Variants in MON2 observed in about 807,000 individuals in gnomAD.
MON2 encodes the protein MON2 regulator of endosome-to-Golgi trafficking.
Under a neutral mutation model 208.6 loss-of-function variants are expected in MON2, and 84 were observed. The ratio of observed to expected loss-of-function variants is 0.40; its 90% CI spans 0.34 to 0.48. The LOEUF (loss-of-function observed/expected upper bound fraction) is 0.48, where lower values mean the gene tolerates loss of function less well. Among genes scored for constraint, MON2 ranks in the 20% least tolerant of loss-of-function variants. The pLI is 0.59. For synonymous variants in MON2, 660 were observed against 694.0 expected, an observed-to-expected ratio of 0.95 and a Z score of 0.77; for missense variants, 1,611 against 2,015.4, an observed-to-expected ratio of 0.80 and a Z score of 3.84.
chr12:62,531,513 A>T (rs2072641776), intron 11 of MON2, among the ~76,000 whole-genome samples: 1 of 152,168 alleles, frequency 6.6e-6, no homozygotes, highest in South Asian at 2.1e-4. Flanking sequence ...GCCAGATGTC[A>T]ATTTTAAGAG....
Position 62,552,806 on chromosome 12 carries a change from C to G in MON2, c.2917-75C>G, listed in dbSNP as rs1323428002. 38 of 1,114,532 alleles carry G rather than the reference C, an allele frequency of 3.4e-5. No individual in the cohort carries two copies. The Middle Eastern group carries it at 1.0e-3, about 31-fold the overall frequency. 69.0% of individuals were successfully genotyped at this position (1,114,532 alleles called of 1,614,324 possible). A position where few individuals can be genotyped will look rare whatever the true frequency, so the allele number is the denominator to read the frequency against. ...TAAAGTTTTACTCTGAAAGGTAAAA[C>G]AGCCACATGTTGCATATTTATGTGT... On this transcript the variant is annotated intron_variant, in intron 23 of 34. Coordinates refer to ENST00000393630, the MANE Select transcript of MON2 (RefSeq NM_015026.3).
chr12:62,487,163 A>G (rs2069848552), intron 2 of MON2, among the ~76,000 whole-genome samples: 1 of 152,134 alleles, frequency 6.6e-6, no homozygotes, highest in South Asian at 2.1e-4. Context: ...ATTATTTCAA[A>G]ATTTCCATTT....
intron 1 of MON2, among the ~76,000 whole-genome samples, chr12:62,470,276 A>C (rs1415505119): frequency 6.6e-6 from 1 of 152,168 alleles, no homozygotes; most frequent in Non-Finnish European, 1.5e-5. Context: ...CCAATAAAAG[A>C]GTATTGATAA....
chr12:62,533,719 C>G (rs893669552), intron 12 of MON2, among the ~76,000 whole-genome samples: 2 of 152,154 alleles, frequency 1.3e-5, no homozygotes, highest in Non-Finnish European at 2.9e-5. Context: ...GAAACGAACA[C>G]AGGTATACTA....
At chr12:62,530,623 C>G (rs767478582) in intron 11 of MON2, among the ~76,000 whole-genome samples, 3 of 152,110 alleles carry the variant, frequency 2.0e-5, no homozygotes, top group Non-Finnish European at 2.9e-5. Context: ...TATGGAATCA[C>G]TTTTTTTAAG....
intron 2 of MON2, 51 bp from the exon 3 acceptor site, chr12:62,493,864 T>C: frequency 7.6e-7 from 1 of 1,309,210 alleles, no homozygotes; most frequent in Non-Finnish European, 1.0e-6. Flanking sequence ...AAATGCATTC[T>C]TAATTATAGA....
chr12:62,535,482 TA>T, intron 13 of MON2, 42 bp from the exon 14 acceptor site: 1 of 1,400,066 alleles, frequency 7.1e-7, no homozygotes, highest in Non-Finnish European at 9.6e-7. Flanking sequence ...ACAATGTAAT[TA>T]AAAATAAGTT....
chr12:62,485,895 G>T (rs530798860), intron 2 of MON2, among the ~76,000 whole-genome samples: 1 of 152,000 alleles, frequency 6.6e-6, no homozygotes, highest in African/African-American at 2.4e-5. Context: ...GTAGAGACAG[G>T]GTTTCATCAT....
At chr12:62,510,141 G>A (rs1213363534) in intron 8 of MON2, among the ~76,000 whole-genome samples, 1 of 152,052 alleles carries the variant, frequency 6.6e-6, no homozygotes, top group African/African-American at 2.4e-5. Context: ...CCTATAACTA[G>A]TATGGAGATT....
intron 26 of MON2, among the ~76,000 whole-genome samples, chr12:62,563,202 T>C (rs1253619904): frequency 2.0e-5 from 3 of 152,200 alleles, no homozygotes; most frequent in Non-Finnish European, 4.4e-5. Flanking sequence ...TTCTTAATCT[T>C]TCTATACTTC....
chr12:62,545,085 A>G, intron 21 of MON2, 77 bp downstream of exon 21: 1 of 896,496 alleles, frequency 1.1e-6, no homozygotes, highest in South Asian at 2.0e-5. Flanking sequence ...TTTTCTTATC[A>G]GGTAGATCAT....
At chr12:62,477,027 A>G (rs892350391) in intron 1 of MON2, among the ~76,000 whole-genome samples, 1 of 152,134 alleles carries the variant, frequency 6.6e-6, no homozygotes, top group East Asian at 1.9e-4. Context: ...GTGTGTGCCT[A>G]TAGTCCCGGC....
At position 62,592,932 on chromosome 12, in the gene MON2, C is replaced by A; in HGVS notation, c.*183C>A. On this transcript the variant is annotated 3_prime_UTR_variant, in exon 35 of 35. Transcript: ENST00000393630. ...ACAGGCTTGCACATCAACAAAGGCT[C>A]CTGAATGAACAGCAGTGTAAGGCTT... 2 of 519,502 alleles carry A rather than the reference C, an allele frequency of 3.8e-6. No homozygotes were observed. Among genetic ancestry groups the A allele is most frequent in the Non-Finnish European group, 6.7e-6 (2 of 297,324 alleles). The allele number at this position is 519,502 out of a possible 1,614,324, so 32.2% of individuals were successfully genotyped here.
Position 62,500,787 on chromosome 12 carries a change from T to C in MON2, c.570T>C (p.Ile190=). The C allele has an allele frequency of 1.3e-6, 2 of 1,566,008 alleles. No homozygotes were observed. The highest frequency in any genetic ancestry group is 1.2e-5 in the South Asian group (1 of 84,036). The change falls in exon 6 of 35, where the codon ATT becomes ATC. Residue 190 remains isoleucine, a synonymous_variant. Transcript: ENST00000393630. ...CCCATCCTGTTTTGATTGCAGATAT[T>C]ATAGAACAACCAGTACTGGTACAAG... ...MVAEDERHRD[I]IEQPVLVQGN...
Position 62,578,508 on chromosome 12 carries a change from A to T in MON2, c.4575+3A>T. The T allele has an allele frequency of 6.7e-7, 1 of 1,494,696 alleles. No homozygotes were observed. Among genetic ancestry groups the T allele is most frequent in the Non-Finnish European group, 9.1e-7 (1 of 1,092,980 alleles). 92.6% of individuals were successfully genotyped at this position (1,494,696 alleles called of 1,614,324 possible). ...GAAATGAAAATATTGATGTCGAGGT[A>T]AGGAGGCTATTTAAAATGTTTTCCT... On this transcript the variant is annotated splice_donor_region_variant and intron_variant, in intron 31 of 34. Coordinates refer to ENST00000393630, the MANE Select transcript of MON2 (RefSeq NM_015026.3).
chr12:62,587,467 C>G (rs2075253519), intron 33 of MON2, among the ~76,000 whole-genome samples: 1 of 151,848 alleles, frequency 6.6e-6, no homozygotes, highest in Non-Finnish European at 1.5e-5. Context: ...GCCTGTAATC[C>G]CAGCACTTTA....
rs2075555454 is a variant in MON2 at position 62,597,672 on chromosome 12, C to T, written c.*4923C>T. 6.6e-6 allele frequency: 1 copy of T among 152,140 alleles called. No individual in the cohort carries two copies. The highest frequency in any genetic ancestry group is 1.5e-5 in the Non-Finnish European group (1 of 68,018). The allele number at this position is 152,140 out of a possible 1,614,324, so 9.4% of individuals were successfully genotyped here. A position where few individuals can be genotyped will look rare whatever the true frequency, so the allele number is the denominator to read the frequency against. ...GCTATAAATATGATGGATTCAGCAC[C>T]TAAATTTGGAATAATCATGTCTTTT... On this transcript the variant is annotated 3_prime_UTR_variant, in exon 35 of 35. Transcript: ENST00000393630.
chr12:62,496,837 G>A (rs1404680366), intron 4 of MON2, among the ~76,000 whole-genome samples: 3 of 151,128 alleles, frequency 2.0e-5, no homozygotes, highest in African/African-American at 7.3e-5. Flanking sequence ...AAATCATGCT[G>A]CTATAAAGAC....
In MON2 at chr12:62,565,387, T is replaced by C. The variant is rs183752294; in HGVS notation, c.4176+7T>C. On this transcript the variant is annotated splice_region_variant and intron_variant, in intron 27 of 34. Transcript: ENST00000393630. The stretch of plus-strand genomic sequence containing the variant: ...AAATGCAAAATATAATCAGGTAATT[T>C]ACTGTAAATTTTATTTACTTTGTAA... The C allele has an allele frequency of 5.6e-5, 89 of 1,591,154 alleles. No individual in the cohort carries two copies. The highest frequency in any genetic ancestry group is 6.2e-5 in the Non-Finnish European group (72 of 1,168,186).
Sources: gnomAD v4.1 joint callset for allele counts (sites outside exome capture counted in the v4.1 genomes callset) on GRCh38, gnomAD v4.1.1 for gene constraint, MANE v1.5 for transcripts, NCBI Gene and HGNC (gene_info 2026-07-23, HGNC 2026-07-21) for gene names.